Variants in NAP1L4 observed in about 807,000 individuals in gnomAD.
The protein encoded by NAP1L4 is nucleosome assembly protein 1 like 4.
In NAP1L4, 15 loss-of-function variants were observed where a neutral mutation model predicts 58.2. The observed-to-expected ratio is 0.26, with a 90% CI of 0.17 to 0.40. The LOEUF (loss-of-function observed/expected upper bound fraction) is 0.40, where lower values mean the gene tolerates loss of function less well. Ranked by LOEUF, NAP1L4 falls within the 10% of genes least tolerant of loss-of-function variation. The pLI is 1.00. For missense variants in NAP1L4, 384 were observed against 451.1 expected, an observed-to-expected ratio of 0.85 and a Z score of 1.35; for synonymous variants, 171 against 155.6, an observed-to-expected ratio of 1.10 and a Z score of -0.74.
intron 8 of NAP1L4, among the ~76,000 whole-genome samples, chr11:2,963,052 A>C (rs958599740): frequency 2.0e-5 from 3 of 147,434 alleles, no homozygotes; most frequent in Non-Finnish European, 3.0e-5. Context: ...GTGAGCCGAG[A>C]TCATATCACT....
chr11:2,978,192 T>C (rs527956841), intron 3 of NAP1L4, 92 bp downstream of exon 3: 2 of 1,241,200 alleles, frequency 1.6e-6, no homozygotes, highest in East Asian at 4.9e-5. Context: ...ACCACTGCAG[T>C]ACAGGAATCC....
intron 1 of NAP1L4, among the ~76,000 whole-genome samples, chr11:2,988,469 C>T (rs1183389364): frequency 6.6e-6 from 1 of 152,232 alleles, no homozygotes; most frequent in Non-Finnish European, 1.5e-5. Context: ...CTGTTTTATT[C>T]TGCGGGAGGC....
chr11:2,951,755 G>C lies in NAP1L4; in HGVS notation c.1065+25C>G, dbSNP rs777887910. On this transcript the variant is annotated intron_variant, in intron 13 of 15. Transcript: ENST00000380542. This position sits in a 1 kb window ranked among gnomAD's most constrained non-coding sequence, Gnocchi z 4.0. ...AAGAAACAACTTCAGGGAGGTAAGT[G>C]GCACTGCATAAACCTGTCTCTTACC... 20 of 1,612,496 alleles carry C rather than the reference G, an allele frequency of 1.2e-5. No individual in the cohort carries two copies. The highest frequency in any genetic ancestry group is 1.6e-5 in the Non-Finnish European group (19 of 1,178,774).
At chr11:2,966,782 C>G (rs1040671555) in intron 7 of NAP1L4, among the ~76,000 whole-genome samples, 2 of 152,182 alleles carry the variant, frequency 1.3e-5, no homozygotes, top group Non-Finnish European at 2.9e-5. Context: ...AGAGATGGCA[C>G]TGGGACTTCA....
intron 1 of NAP1L4, chr11:2,990,066 C>T (rs896525825): frequency 6.6e-6 from 1 of 152,126 alleles, no homozygotes; most frequent in African/African-American, 2.4e-5. Context: ...ATGACTACTC[C>T]ATATTCATTT....
Position 2,949,308 on chromosome 11 carries a change from AAATG to A in NAP1L4, c.1123-48_1123-45del. 2 of 1,495,702 alleles carry A rather than the reference AAATG, an allele frequency of 1.3e-6. No individual in the cohort carries two copies. The highest frequency in any genetic ancestry group is 2.3e-5 in the South Asian group (2 of 88,614). 92.7% of individuals were successfully genotyped at this position (1,495,702 alleles called of 1,614,324 possible). A position where few individuals can be genotyped will look rare whatever the true frequency, so the allele number is the denominator to read the frequency against. Reference sequence around the variant, plus strand: ...TGAAAGGAACTGTCAGCATGAAAGAAAATGAAATGCACAAAATTATACAGGAGGA... The same window carrying A: ...TGAAAGGAACTGTCAGCATGAAAGAAAAATGCACAAAATTATACAGGAGGA... On this transcript the variant is annotated intron_variant, in intron 14 of 15. Transcript: ENST00000380542. This position sits in a 1 kb window ranked among gnomAD's most constrained non-coding sequence, Gnocchi z 4.0.
chr11:2,976,540 C>T (rs548164386), intron 3 of NAP1L4, among the ~76,000 whole-genome samples: 1 of 152,332 alleles, frequency 6.6e-6, no homozygotes, highest in Admixed American at 6.5e-5. Flanking sequence ...AGCTCCCTTG[C>T]TCACTGTGGT....
At chr11:2,982,401 T>C (rs1848374767) in intron 1 of NAP1L4, among the ~76,000 whole-genome samples, 1 of 152,328 alleles carries the variant, frequency 6.6e-6, no homozygotes, top group South Asian at 2.1e-4. Flanking sequence ...CATCTAACAC[T>C]GTCAGTTTAA....
intron 4 of NAP1L4, 58 bp from the exon 5 acceptor site, chr11:2,972,301 T>G (rs1847684736): frequency 6.9e-7 from 1 of 1,445,416 alleles, no homozygotes; most frequent in Non-Finnish European, 9.3e-7. Flanking sequence ...AGCAGCATGC[T>G]TTTCAATTTT....
Position 2,946,792 on chromosome 11 carries a change from C to A in NAP1L4, c.*33-1146G>T, listed in dbSNP as rs1393695688. 6.6e-6 allele frequency among the ~76,000 whole-genome samples: 1 copy of A among 152,252 alleles called. No homozygotes were observed. The highest frequency in any genetic ancestry group is 6.5e-5 in the Admixed American group (1 of 15,292). On this transcript the variant is annotated intron_variant, in intron 15 of 15. Transcript: ENST00000380542. This position sits in a 1 kb window ranked among gnomAD's most constrained non-coding sequence, Gnocchi z 4.8. Reference sequence around the variant, plus strand: ...AGAGCCTGGCCAAGACAAAACGAGGCTGACCAAAAACCCTCGCCATGTCAA... The same window carrying A: ...AGAGCCTGGCCAAGACAAAACGAGGATGACCAAAAACCCTCGCCATGTCAA...
intron 8 of NAP1L4, among the ~76,000 whole-genome samples, chr11:2,962,610 G>C (rs971259131): frequency 2.0e-5 from 3 of 152,030 alleles, no homozygotes; most frequent in Non-Finnish European, 4.4e-5. Flanking sequence ...GATTTGTATA[G>C]TGTTCTTTAC....
At chr11:2,979,469 T>C (rs900045412) in intron 1 of NAP1L4, among the ~76,000 whole-genome samples, 3 of 152,098 alleles carry the variant, frequency 2.0e-5, no homozygotes, top group Non-Finnish European at 4.4e-5. Flanking sequence ...ACACACAAAC[T>C]TTACTCATAA....
intron 8 of NAP1L4, among the ~76,000 whole-genome samples, chr11:2,962,181 G>A (rs1846965165): frequency 6.6e-6 from 1 of 152,222 alleles, no homozygotes; most frequent in Non-Finnish European, 1.5e-5. Context: ...CTAAACTAAG[G>A]AAACCATCAA....
rs1845887306 is a variant in NAP1L4 at position 2,945,392 on chromosome 11, C to T, written c.*287G>A. 3.6e-6 allele frequency: 2 copies of T among 555,406 alleles called. No individual in the cohort carries two copies. The highest frequency in any genetic ancestry group is 3.3e-5 in the Admixed American group (1 of 30,406). The allele number at this position is 555,406 out of a possible 1,614,324, so 34.4% of individuals were successfully genotyped here. On this transcript the variant is annotated 3_prime_UTR_variant, in exon 16 of 16. Transcript: ENST00000380542. ...CACCAAGGCTGCAGAGGGTGCTGGA[C>T]GAAACCTCCTATTTCTGAAATGCAT...
At chr11:2,953,905 T>C (rs922630696) in intron 12 of NAP1L4, among the ~76,000 whole-genome samples, 3 of 152,168 alleles carry the variant, frequency 2.0e-5, no homozygotes, top group Non-Finnish European at 2.9e-5. Flanking sequence ...AAAACTTTAT[T>C]TTCCACAGAT....
intron 1 of NAP1L4, chr11:2,991,261 C>T (rs1001270360): frequency 4.4e-5 from 18 of 412,458 alleles, no homozygotes; most frequent in Admixed American, 3.4e-4. Context: ...GAACTGTGGA[C>T]GGTGGAAAGT....
Position 2,971,893 on chromosome 11 carries a change from A to G in NAP1L4, c.315+209T>C, listed in dbSNP as rs546193267. ...TACGCGAGATACTCAGCACTTTATT[A>G]TAAAATAGGCTTTGTGGAAGATGAT... On this transcript the variant is annotated intron_variant, in intron 5 of 15. Coordinates refer to ENST00000380542, the MANE Select transcript of NAP1L4 (RefSeq NM_005969.4). The surrounding 1 kb of genome is among the most constrained non-coding windows in gnomAD (Gnocchi z 4.2). Among the ~76,000 whole-genome samples, 11 of 152,342 alleles carry G rather than the reference A, an allele frequency of 7.2e-5. No individual in the cohort carries two copies. The South Asian group carries it at 2.3e-3, about 32-fold the overall frequency.
chr11:2,982,216 G>A (rs1848363226), intron 1 of NAP1L4, among the ~76,000 whole-genome samples: 1 of 152,128 alleles, frequency 6.6e-6, no homozygotes, highest in South Asian at 2.1e-4. Flanking sequence ...GCATTTCTGG[G>A]TCAAAGAGCA....
chr11:2,977,375 C>T (rs1404984286), intron 3 of NAP1L4, among the ~76,000 whole-genome samples: 2 of 152,214 alleles, frequency 1.3e-5, no homozygotes, highest in Non-Finnish European at 2.9e-5. Context: ...ACGACCACTG[C>T]ATCATGTTAC....
Sources: gnomAD v4.1 joint callset for allele counts (sites outside exome capture counted in the v4.1 genomes callset) on GRCh38, gnomAD v4.1.1 for gene constraint, Gnocchi (gnomAD v3.1) non-coding constraint, MANE v1.5 for transcripts, NCBI Gene and HGNC (gene_info 2026-07-23, HGNC 2026-07-21) for gene names.